The following PCCA variants were observed in gnomAD, a reference collection of about 807,000 sequenced individuals.
The protein encoded by PCCA is propionyl-CoA carboxylase alpha chain, mitochondrial.
A neutral mutation model predicts 101.3 loss-of-function variants in PCCA; 74 were observed. The observed-to-expected ratio is 0.73, with a 90% CI of 0.61 to 0.89. The LOEUF (loss-of-function observed/expected upper bound fraction) is 0.89, where lower values mean the gene tolerates loss of function less well. PCCA is among the 40% of genes least tolerant of loss of function. The pLI is 0.00. For synonymous variants in PCCA, 294 were observed against 313.6 expected (o/e 0.94, Z 0.66); for missense variants, 891 against 907.0 (o/e 0.98, Z 0.23).
At chr13:100,217,531 G>A (rs1470264562) in intron 7 of PCCA, among the ~76,000 whole-genome samples, 1 of 152,042 alleles carries the variant, frequency 6.6e-6, no homozygotes, top group Non-Finnish European at 1.5e-5. Context: ...ACTCAACCAA[G>A]CAAAATATAG....
At chr13:100,142,628 G>A (rs978145613) in intron 4 of PCCA, among the ~76,000 whole-genome samples, 4 of 151,902 alleles carry the variant, frequency 2.6e-5, no homozygotes, top group African/African-American at 9.7e-5. Context: ...TGCGTGCCAC[G>A]ACATCCAGCT....
intron 6 of PCCA, among the ~76,000 whole-genome samples, chr13:100,181,848 C>A (rs1379515774): frequency 2.0e-5 from 3 of 148,614 alleles, no homozygotes; most frequent in Non-Finnish European, 3.0e-5. Context: ...TTACTGCAAC[C>A]TCTGCCTCTG....
chr13:100,168,680 C>A (rs1297748690), intron 6 of PCCA, among the ~76,000 whole-genome samples: 2 of 152,092 alleles, frequency 1.3e-5, no homozygotes, highest in Non-Finnish European at 2.9e-5. Flanking sequence ...TGCTGTCCAC[C>A]CTTTCTGCCC....
chr13:100,258,893 A>G (rs4489854), intron 9 of PCCA, among the ~76,000 whole-genome samples: 70,952 of 151,788 alleles, frequency 0.47, 16,641 homozygotes, highest in Middle Eastern at 0.55. Context: ...TAAATAAACC[A>G]TCTCAGAAAA....
At position 100,455,518 on chromosome 13, in the gene PCCA, G is replaced by GT. The variant is rs574347362; in HGVS notation, c.1899+6214dup. ...ATTTTGCTTTGTGTTTGTGAGACTC[G>GT]TATGTTGCATGGAGGTATAATTCAT... On this transcript the variant is annotated intron_variant, in intron 21 of 23. Coordinates refer to ENST00000376285, the MANE Select transcript of PCCA (RefSeq NM_000282.4). 5.7e-3 allele frequency among the ~76,000 whole-genome samples: 874 copies of GT among 152,192 alleles called. 7 individuals are homozygous for GT. The highest frequency in any genetic ancestry group is 0.02 in the African/African-American group (817 of 41,514).
chr13:100,529,207 C>G (rs1161380608), intron 23 of PCCA, among the ~76,000 whole-genome samples: 1 of 152,056 alleles, frequency 6.6e-6, no homozygotes, highest in Non-Finnish European at 1.5e-5. Flanking sequence ...CTTTTCCTCC[C>G]AGAGAAAAAA....
chr13:100,211,888 G>T (rs1306244996), intron 7 of PCCA, among the ~76,000 whole-genome samples: 4 of 152,116 alleles, frequency 2.6e-5, no homozygotes, highest in African/African-American at 9.7e-5. Flanking sequence ...CTATAGGTGT[G>T]TGCCACCACA....
chr13:100,418,382 G>A (rs2078520149), intron 19 of PCCA, among the ~76,000 whole-genome samples: 1 of 152,132 alleles, frequency 6.6e-6, no homozygotes, highest in Non-Finnish European at 1.5e-5. Flanking sequence ...CTTATCCTCA[G>A]TGATTCCTTC....
At chr13:100,330,483 G>T in intron 16 of PCCA, 78 bp from the exon 17 acceptor site, 1 of 858,994 alleles carries the variant, frequency 1.2e-6, no homozygotes, top group East Asian at 2.5e-5. Flanking sequence ...GAACAGTGAT[G>T]ATAAATTTCT....
intron 11 of PCCA, 84 bp downstream of exon 11, chr13:100,268,867 A>T (rs1357946393): frequency 1.0e-6 from 1 of 968,304 alleles, no homozygotes; most frequent in Non-Finnish European, 1.7e-6. Context: ...TCACTGACGC[A>T]TGCATTCAGA....
At chr13:100,125,233 A>G (rs1252246418) in intron 4 of PCCA, among the ~76,000 whole-genome samples, 1 of 151,992 alleles carries the variant, frequency 6.6e-6, no homozygotes, top group Non-Finnish European at 1.5e-5. Flanking sequence ...TTTTAAGATG[A>G]TGGCTGTCCT....
At chr13:100,100,159 CG>C (rs2047142655) in intron 1 of PCCA, among the ~76,000 whole-genome samples, 1 of 152,104 alleles carries the variant, frequency 6.6e-6, no homozygotes, top group South Asian at 2.1e-4. Context: ...TAGATGGAAA[CG>C]GGGGCCCAGA....
chr13:100,238,087 C>T (rs1340252315), intron 8 of PCCA, among the ~76,000 whole-genome samples: 1 of 151,858 alleles, frequency 6.6e-6, no homozygotes, highest in East Asian at 1.9e-4. Context: ...TGCAGGCACA[C>T]ACCACAATGC....
chr13:100,188,319 C>CAAAAT (rs1171191378), intron 6 of PCCA, among the ~76,000 whole-genome samples: 1 of 146,528 alleles, frequency 6.8e-6, no homozygotes, highest in Admixed American at 6.8e-5. Flanking sequence ...CAAAACAAAA[C>CAAAAT]AAAACAAAAA....
intron 20 of PCCA, among the ~76,000 whole-genome samples, chr13:100,431,739 G>C (rs184984709): frequency 1.3e-5 from 2 of 152,046 alleles, no homozygotes; most frequent in Admixed American, 6.6e-5. Context: ...GGTGGCGGGC[G>C]CCTGTAGTCC....
At chr13:100,366,317 T>G (rs1438503016) in intron 18 of PCCA, among the ~76,000 whole-genome samples, 1 of 151,548 alleles carries the variant, frequency 6.6e-6, no homozygotes, top group Non-Finnish European at 1.5e-5. Context: ...CACAGTCCTG[T>G]CACACCTGTG....
chr13:100,285,678 C>A (rs909563203), intron 12 of PCCA, among the ~76,000 whole-genome samples: 1 of 152,152 alleles, frequency 6.6e-6, no homozygotes, highest in Admixed American at 6.5e-5. Context: ...CAAATACGCA[C>A]GTGTGTGGCC....
chr13:100,264,351 G>T (rs1237263619), intron 10 of PCCA, among the ~76,000 whole-genome samples: 1 of 151,926 alleles, frequency 6.6e-6, no homozygotes, highest in Non-Finnish European at 1.5e-5. Context: ...ACATCTAATT[G>T]TGTAACAACC....
chr13:100,274,581 T>A (rs2063516450), intron 12 of PCCA, among the ~76,000 whole-genome samples: 1 of 152,134 alleles, frequency 6.6e-6, no homozygotes, highest in South Asian at 2.1e-4. Context: ...ACTCCATGCC[T>A]CTCTCCTGGT....
Sources: allele counts gnomAD v4.1 joint callset (sites outside exome capture counted in the v4.1 genomes callset), GRCh38; gene constraint gnomAD v4.1.1; transcripts MANE v1.5; gene names NCBI Gene and HGNC (gene_info 2026-07-23, HGNC 2026-07-21).